COL22A1: variants seen among roughly 807,000 people sequenced by gnomAD.
COL22A1 encodes the protein collagen alpha-1(XXII) chain.
Under a neutral mutation model 248.9 loss-of-function variants are expected in COL22A1, and 221 were observed. That is an observed-to-expected ratio of 0.89 (90% CI 0.80 to 0.99). COL22A1 has a LOEUF of 0.99. Ranked by LOEUF, COL22A1 falls within the 50% of genes least tolerant of loss-of-function variation. COL22A1 has a pLI of 0.00. For missense variants in COL22A1, 2,240 were observed against 2,179.0 expected (o/e 1.03, Z -0.56); for synonymous variants, 891 against 793.4 (o/e 1.12, Z -2.07).
intron 12 of COL22A1, among the ~76,000 whole-genome samples, chr8:138,783,772 T>C (rs571455158): frequency 4.1e-4 from 63 of 152,320 alleles, no homozygotes; most frequent in African/African-American, 1.5e-3. Flanking sequence ...TGGGGATTCT[T>C]TGATCAAACA....
At chr8:138,878,382 T>C in intron 2 of COL22A1, 66 bp from the exon 3 acceptor site, 1 of 1,304,478 alleles carries the variant, frequency 7.7e-7, no homozygotes, top group Non-Finnish European at 1.0e-6. Flanking sequence ...TCCTGGGGTA[T>C]ACAGGTCACT....
chr8:138,726,403 G>A (rs1211847815), intron 23 of COL22A1, among the ~76,000 whole-genome samples: 1 of 150,438 alleles, frequency 6.6e-6, no homozygotes, highest in African/African-American at 2.5e-5. Flanking sequence ...AGGCTGAGGC[G>A]AGAGGATTGT....
At chr8:138,720,310 TAGAACACAGTTC>T (rs1484648187) in intron 27 of COL22A1, among the ~76,000 whole-genome samples, 3 of 152,106 alleles carry the variant, frequency 2.0e-5, no homozygotes, top group African/African-American at 7.2e-5. Flanking sequence ...GCAGTGAAGG[TAGAACACAGTTC>T]AGAGAGAGCG....
intron 5 of COL22A1, 94 bp downstream of exon 5, chr8:138,832,945 G>C (rs1820161697): frequency 1.2e-6 from 1 of 800,914 alleles, no homozygotes; most frequent in African/African-American, 1.7e-5. Context: ...TTAAAGCCCG[G>C]CTCGGTGCCA....
chr8:138,842,024 G>C (rs1293909857), intron 4 of COL22A1, among the ~76,000 whole-genome samples: 1 of 152,156 alleles, frequency 6.6e-6, no homozygotes, highest in African/African-American at 2.4e-5. Context: ...CAGTTACCTA[G>C]AAATACACAT....
chr8:138,831,493 T>C (rs1820042622), intron 5 of COL22A1, among the ~76,000 whole-genome samples: 1 of 152,190 alleles, frequency 6.6e-6, no homozygotes, highest in South Asian at 2.1e-4. Context: ...GAAGTACAAA[T>C]TGGGAGGAGG....
At chr8:138,832,904 C>T (rs530528857) in intron 5 of COL22A1, 135 bp downstream of exon 5, 2 of 611,068 alleles carry the variant, frequency 3.3e-6, no homozygotes, top group East Asian at 5.5e-5. Context: ...GCTGCTTCAT[C>T]GCAGGGCAAC....
At chr8:138,759,039 T>C (rs1833243803) in intron 18 of COL22A1, among the ~76,000 whole-genome samples, 1 of 152,190 alleles carries the variant, frequency 6.6e-6, no homozygotes, top group African/African-American at 2.4e-5. Context: ...TGCAAGAATA[T>C]ATTAAAATCC....
intron 6 of COL22A1, chr8:138,825,976 G>A (rs1586834917): frequency 1.3e-5 from 2 of 152,350 alleles, no homozygotes; most frequent in South Asian, 4.1e-4. Flanking sequence ...CTGTGTGCTG[G>A]TGGAGAGCTG....
At chr8:138,694,692 A>G in intron 33 of COL22A1, 131 bp from the exon 34 acceptor site, 1 of 1,362,490 alleles carries the variant, frequency 7.3e-7, no homozygotes, top group South Asian at 1.3e-5. Flanking sequence ...TCCTGAGGAG[A>G]AGAAAGGGCT....
intron 56 of COL22A1, among the ~76,000 whole-genome samples, chr8:138,612,797 G>A (rs1056749565): frequency 2.0e-5 from 3 of 151,982 alleles, no homozygotes; most frequent in Admixed American, 6.6e-5. Flanking sequence ...AATCAGCGGC[G>A]TGGTGGCACG....
chr8:138,744,368 C>G (rs1007477604), intron 22 of COL22A1, among the ~76,000 whole-genome samples: 2 of 152,032 alleles, frequency 1.3e-5, no homozygotes, highest in African/African-American at 4.8e-5. Context: ...TGCATCCTAT[C>G]GGACAGGCAT....
At chr8:138,724,483 T>C (rs62527958) in intron 25 of COL22A1, 132 bp downstream of exon 25, 94,214 of 810,260 alleles carry the variant, frequency 0.12, 6,406 homozygotes, top group Non-Finnish European at 0.14. Flanking sequence ...GCTCCGGGGC[T>C]GCAGGCCTTG....
intron 56 of COL22A1, among the ~76,000 whole-genome samples, chr8:138,611,452 G>A (rs1818855207): frequency 2.0e-5 from 3 of 152,174 alleles, no homozygotes; most frequent in Admixed American, 2.0e-4. Context: ...GAGCTGGGGG[G>A]GACCCAGTCA....
chr8:138,834,298 T>C (rs943581759), intron 4 of COL22A1, among the ~76,000 whole-genome samples: 4 of 150,668 alleles, frequency 2.7e-5, no homozygotes, highest in African/African-American at 9.8e-5. Flanking sequence ...TTAGGAAGAG[T>C]TCCTCATTGT....
At chr8:138,707,349 G>C (rs1828552859) in intron 30 of COL22A1, among the ~76,000 whole-genome samples, 1 of 152,138 alleles carries the variant, frequency 6.6e-6, no homozygotes, top group Admixed American at 6.5e-5. Context: ...GAGAATTTTA[G>C]ACCAATATCC....
chr8:138,821,365 G>A lies in COL22A1; in HGVS notation c.1016C>T (p.Ala339Val). The change falls in exon 7 of 65, where the codon GCT becomes GTT. Residue 339 changes from alanine (A) to valine (V), a missense_variant. Transcript: ENST00000303045. ...DGENKAVEYNAVGAMKDAVRV... is the reference protein window; with the variant it reads ...DGENKAVEYNVVGAMKDAVRV... Reference sequence around the variant, plus strand: ...GACAGCATCTTTCATGGCACCCACAGCGTTGTACTCGACTGCCTTGTTTTC... The same window carrying A: ...GACAGCATCTTTCATGGCACCCACAACGTTGTACTCGACTGCCTTGTTTTC... 1 of 1,614,146 alleles carries A rather than the reference G, an allele frequency of 6.2e-7. No individual in the cohort carries two copies. Among genetic ancestry groups the A allele is most frequent in the Non-Finnish European group, 8.5e-7 (1 of 1,180,016 alleles).
chr8:138,693,504 A>G (rs1587882841), intron 35 of COL22A1, 142 bp downstream of exon 35: 3 of 805,222 alleles, frequency 3.7e-6, no homozygotes, highest in East Asian at 2.7e-5. Context: ...GCTGACTCCC[A>G]CCAACCACTC....
chr8:138,787,077 G>A (rs1479245029), intron 12 of COL22A1, among the ~76,000 whole-genome samples: 1 of 152,170 alleles, frequency 6.6e-6, no homozygotes, highest in African/African-American at 2.4e-5. Context: ...AGACTATGAA[G>A]TATTATTGAA....
Sources: gnomAD v4.1 joint callset for allele counts (sites outside exome capture counted in the v4.1 genomes callset) on GRCh38, gnomAD v4.1.1 for gene constraint, MANE v1.5 for transcripts, NCBI Gene and HGNC (gene_info 2026-07-23, HGNC 2026-07-21) for gene names.